The following PRICKLE1 variants were observed in gnomAD, a reference collection of about 807,000 sequenced individuals.
PRICKLE1 encodes the protein prickle-like protein 1.
PRICKLE1 carries 14 observed loss-of-function variants against 70.2 expected under a neutral mutation model. That is an observed-to-expected ratio of 0.20 (90% CI 0.13 to 0.31). PRICKLE1 has a LOEUF of 0.31. Among genes scored for constraint, PRICKLE1 ranks in the 10% least tolerant of loss-of-function variants. The probability of loss-of-function intolerance (pLI) is 1.00; values close to 1 mark genes in which losing one functional copy is unlikely to be tolerated. For missense variants in PRICKLE1, 821 were observed against 1,026.2 expected (o/e 0.80, Z 2.73); for synonymous variants, 357 against 379.9 (o/e 0.94, Z 0.70).
rs11342397 is a variant in PRICKLE1, at chr12:42,519,193, C to CTTTTTTTTTTTTTTTTT, written c.-48-46646_-48-46630dup. Among the ~76,000 whole-genome samples, 35 of 99,204 alleles carry CTTTTTTTTTTTTTTTTT rather than the reference C, an allele frequency of 3.5e-4. 1 individual carries two copies. The highest frequency in any genetic ancestry group is 8.2e-3 in the Middle Eastern group (1 of 122). The allele number at this position is 99,204 out of a possible 152,430, so 65.1% of individuals were successfully genotyped here. A position where few individuals can be genotyped will look rare whatever the true frequency, so the allele number is the denominator to read the frequency against. On this transcript the variant is annotated intron_variant, in intron 1 of 7. Coordinates refer to ENST00000345127, the MANE Select transcript of PRICKLE1 (RefSeq NM_153026.3). The stretch of plus-strand genomic sequence containing the variant: ...TACTGAATTTCCTTTCCTTTTTTTC[C>CTTTTTTTTTTTTTTTTT]TTTTTTTTTTTTTTTTTTTTGAGAT...
chr12:42,513,567 G>GAA (rs5797805), intron 1 of PRICKLE1, among the ~76,000 whole-genome samples: 1 of 144,796 alleles, frequency 6.9e-6, no homozygotes, highest in Non-Finnish European at 1.5e-5. Context: ...TGTTGGGCTG[G>GAA]AAAAAAAAAA....
intron 1 of PRICKLE1, among the ~76,000 whole-genome samples, chr12:42,515,769 A>G (rs1309974007): frequency 1.3e-5 from 2 of 152,112 alleles, no homozygotes; most frequent in Non-Finnish European, 2.9e-5. Context: ...CATCCTTCAC[A>G]TGAGAACTTG....
rs1476440703 is a variant in PRICKLE1 at position 42,506,252 on chromosome 12, TTTCTTTC to T, written c.-48-33695_-48-33689del. On this transcript the variant is annotated intron_variant, in intron 1 of 7. Coordinates refer to ENST00000345127, the MANE Select transcript of PRICKLE1 (RefSeq NM_153026.3). ...TATAAGTAAAAAATGTTCTTTTTTCTTTCTTTCTTTTTTTTTTTTTTTGAGATGGAGT... is the reference window on the plus strand; with the variant it reads ...TATAAGTAAAAAATGTTCTTTTTTCTTTTTTTTTTTTTTTTGAGATGGAGT... Among the ~76,000 whole-genome samples the T allele has an allele frequency of 2.4e-4, 10 of 41,888 alleles. 1 individual carries two copies. Among genetic ancestry groups the T allele is most frequent in the African/African-American group, 1.4e-3 (10 of 7,144 alleles). 27.5% of individuals were successfully genotyped at this position (41,888 alleles called of 152,430 possible).
intron 1 of PRICKLE1, among the ~76,000 whole-genome samples, chr12:42,567,827 G>C (rs1451887637): frequency 6.7e-6 from 1 of 148,928 alleles, no homozygotes; most frequent in African/African-American, 2.5e-5. Context: ...AGGTATAAGC[G>C]TTATCTTCTT....
chr12:42,541,308 T>C (rs932349784), intron 1 of PRICKLE1, among the ~76,000 whole-genome samples: 6 of 152,078 alleles, frequency 3.9e-5, no homozygotes, highest in African/African-American at 1.4e-4. Context: ...TGTTGTTTCC[T>C]ATGCAAAAAT....
At chr12:42,547,871 T>C (rs577633926) in intron 1 of PRICKLE1, among the ~76,000 whole-genome samples, 16 of 152,302 alleles carry the variant, frequency 1.1e-4, no homozygotes, top group African/African-American at 3.6e-4. Flanking sequence ...GGATTTTTGA[T>C]TTTTTGAATT....
At chr12:42,538,653 A>C (rs1940055382) in intron 1 of PRICKLE1, among the ~76,000 whole-genome samples, 1 of 152,210 alleles carries the variant, frequency 6.6e-6, no homozygotes, top group Non-Finnish European at 1.5e-5. Flanking sequence ...ATATGGTTTA[A>C]TGCCCTAATA....
At position 42,479,888 on chromosome 12, in the gene PRICKLE1, A is replaced by G. The variant is rs561240252; in HGVS notation, c.-48-7324T>C. ...AGAATTGCTTGAACCTGGGAGGCAG[A>G]GGCTGCAGTGAACCAAGATCATGCC... On this transcript the variant is annotated intron_variant, in intron 1 of 7. Coordinates refer to ENST00000345127, the MANE Select transcript of PRICKLE1 (RefSeq NM_153026.3). Among the ~76,000 whole-genome samples the G allele has an allele frequency of 9.2e-5, 14 of 152,262 alleles. No homozygotes were observed. In the South Asian group the frequency reaches 2.9e-3, roughly 32 times the overall value.
chr12:42,475,655 T>C lies in PRICKLE1; in HGVS notation c.-48-3091A>G, dbSNP rs545303044. Among the ~76,000 whole-genome samples the C allele has an allele frequency of 7.2e-5, 11 of 152,172 alleles. No homozygotes were observed. In the East Asian group the frequency reaches 1.2e-3, roughly 16 times the overall value. On this transcript the variant is annotated intron_variant, in intron 1 of 7. Coordinates refer to ENST00000345127, the MANE Select transcript of PRICKLE1 (RefSeq NM_153026.3). The stretch of plus-strand genomic sequence containing the variant: ...TTTAAGGATATACAGTCAAAAAGGA[T>C]TGTAAAAATTCAATGGCCTCATGAG...
chr12:42,514,193 A>G (rs1401802435), intron 1 of PRICKLE1, among the ~76,000 whole-genome samples: 1 of 152,228 alleles, frequency 6.6e-6, no homozygotes, highest in Non-Finnish European at 1.5e-5. Flanking sequence ...ATACAAATAC[A>G]TCCCCAAATC....
chr12:42,546,887 T>C (rs975798020), intron 1 of PRICKLE1, among the ~76,000 whole-genome samples: 1 of 152,234 alleles, frequency 6.6e-6, no homozygotes, highest in Non-Finnish European at 1.5e-5. Flanking sequence ...ATGTGTTTTC[T>C]TGTTGTCTGT....
chr12:42,472,000 T>A (rs1360095360), intron 2 of PRICKLE1, among the ~76,000 whole-genome samples: 1 of 152,242 alleles, frequency 6.6e-6, no homozygotes, highest in Non-Finnish European at 1.5e-5. Context: ...AGAACTGGCA[T>A]GGAAACTTTT....
At chr12:42,556,298 T>A (rs142127825) in intron 1 of PRICKLE1, among the ~76,000 whole-genome samples, 50 of 152,340 alleles carry the variant, frequency 3.3e-4, no homozygotes, top group African/African-American at 1.2e-3. Context: ...CTGGAAGACC[T>A]GGCTCCTCCC....
intron 1 of PRICKLE1, among the ~76,000 whole-genome samples, chr12:42,486,004 T>C (rs921413300): frequency 6.6e-6 from 1 of 152,210 alleles, no homozygotes; most frequent in Non-Finnish European, 1.5e-5. Context: ...AGGGTGAACT[T>C]ATGCAGAATG....
At position 42,469,576 on chromosome 12, in the gene PRICKLE1, G is replaced by C; in HGVS notation, c.258C>G (p.Cys86Trp). Residue 86 changes from cysteine (C) to tryptophan (W), a missense_variant, in exon 4 of 8, where the codon TGC (cysteine) becomes TGG (tryptophan). Cys to Trp is a radical substitution (Grantham distance 215). Transcript: ENST00000345127. ...TTTTCTCCTCTTCACTCAAAGACTG[G>C]CAATACCGTACCTTCACAGAAAGCA... ...LPPHDNEVRY[C>W]QSLSEEEKKE... 6.2e-7 allele frequency: 1 copy of C among 1,614,006 alleles called. No homozygotes were observed.
intron 1 of PRICKLE1, among the ~76,000 whole-genome samples, chr12:42,546,809 G>A (rs1940222470): frequency 6.6e-6 from 1 of 152,160 alleles, no homozygotes; most frequent in Non-Finnish European, 1.5e-5. Context: ...AATTTCTTAA[G>A]CTGGCTATAA....
At chr12:42,502,126 C>T (rs181647914) in intron 1 of PRICKLE1, among the ~76,000 whole-genome samples, 132 of 151,428 alleles carry the variant, frequency 8.7e-4, no homozygotes, top group Admixed American at 1.6e-3. Flanking sequence ...CCTACTTAAC[C>T]GGAGTACTTT....
chr12:42,468,858 G>C (rs1938208268), intron 4 of PRICKLE1, 29 bp from the exon 5 acceptor site: 5 of 1,602,850 alleles, frequency 3.1e-6, no homozygotes, highest in Non-Finnish European at 4.3e-6. Flanking sequence ...GAATGTAAAA[G>C]GATCATTTTT....
intron 1 of PRICKLE1, among the ~76,000 whole-genome samples, chr12:42,523,610 A>G (rs1479005811): frequency 6.6e-6 from 1 of 152,262 alleles, no homozygotes; most frequent in African/African-American, 2.4e-5. Context: ...AGATGGCTTA[A>G]CAGATGCACA....
Sources: allele counts gnomAD v4.1 joint callset (sites outside exome capture counted in the v4.1 genomes callset), GRCh38; gene constraint gnomAD v4.1.1; transcripts MANE v1.5; gene names NCBI Gene and HGNC (gene_info 2026-07-23, HGNC 2026-07-21).